MMP26: variants seen among roughly 807,000 people sequenced by gnomAD.
The protein encoded by MMP26 is matrix metallopeptidase 26.
MMP26 carries 33 observed loss-of-function variants against 31.0 expected under a neutral mutation model. That is an observed-to-expected ratio of 1.06 (90% CI 0.81 to 1.42). The LOEUF is 1.42. MMP26 is among the 40% of genes most tolerant of loss of function. The probability of loss-of-function intolerance (pLI) is 0.00; values close to 1 mark genes in which losing one functional copy is unlikely to be tolerated. For synonymous variants in MMP26, 122 were observed against 114.9 expected (o/e 1.06, Z -0.40); for missense variants, 347 against 316.1 (o/e 1.10, Z -0.74).
intron 2 of MMP26, chr11:4,946,247 G>A (rs780930437): frequency 1.2e-6 from 2 of 1,613,856 alleles, no homozygotes; most frequent in East Asian, 2.2e-5. Flanking sequence ...CGTCAGTGGA[G>A]GTACAAGTAG....
At chr11:4,728,311 C>T (rs1264864630) in intron 1 of MMP26, among the ~76,000 whole-genome samples, 6 of 152,246 alleles carry the variant, frequency 3.9e-5, no homozygotes. Context: ...ATTTCCATAG[C>T]TTTCCAGAGT....
chr11:4,856,816 T>G (rs954047077), intron 2 of MMP26, among the ~76,000 whole-genome samples: 3 of 152,152 alleles, frequency 2.0e-5, no homozygotes, highest in Non-Finnish European at 2.9e-5. Flanking sequence ...GACCACATAC[T>G]TGGAAGTAAA....
chr11:4,750,973 C>T (rs917957343), intron 1 of MMP26, among the ~76,000 whole-genome samples: 1 of 151,904 alleles, frequency 6.6e-6, no homozygotes, highest in Non-Finnish European at 1.5e-5. Context: ...CAAACGGGGA[C>T]AACTTTCTGA....
chr11:4,811,153 T>C (rs1272215467), intron 2 of MMP26, among the ~76,000 whole-genome samples: 1 of 152,218 alleles, frequency 6.6e-6, no homozygotes, highest in Non-Finnish European at 1.5e-5. Flanking sequence ...GCTGACATTG[T>C]ACATTGGAAT....
intron 1 of MMP26, chr11:4,709,573 C>T (rs545695714): frequency 2.3e-6 from 1 of 442,716 alleles, no homozygotes; most frequent in South Asian, 1.6e-5. Flanking sequence ...CTCATCATGC[C>T]ATCCTTCAAC....
At chr11:4,911,358 A>C (rs1035467731) in intron 2 of MMP26, among the ~76,000 whole-genome samples, 2 of 152,146 alleles carry the variant, frequency 1.3e-5, no homozygotes, top group Non-Finnish European at 1.5e-5. Context: ...CAAGTTGCAA[A>C]ATGTGCCAGA....
chr11:4,723,530 C>G, intron 1 of MMP26: 1 of 1,201,676 alleles, frequency 8.3e-7, no homozygotes, highest in Middle Eastern at 2.3e-4. Context: ...TTGATCTCGT[C>G]AGTCAGCCCT....
At chr11:4,859,908 A>G (rs1232401685) in intron 2 of MMP26, 1 of 471,084 alleles carries the variant, frequency 2.1e-6, no homozygotes. Flanking sequence ...TGAGTACATA[A>G]GACAGTAGAG....
chr11:4,850,678 T>C (rs1402186032), intron 2 of MMP26, among the ~76,000 whole-genome samples: 1 of 151,882 alleles, frequency 6.6e-6, no homozygotes, highest in Non-Finnish European at 1.5e-5. Context: ...TAAACATTTA[T>C]TACAAAAATT....
At chr11:4,911,620 C>T (rs1420076182) in intron 2 of MMP26, among the ~76,000 whole-genome samples, 1 of 152,062 alleles carries the variant, frequency 6.6e-6, no homozygotes, top group Non-Finnish European at 1.5e-5. Context: ...TATACTTGTT[C>T]TGCCATTCTG....
rs1436882398 is a variant in MMP26 at position 4,934,179 on chromosome 11, C to T, written c.-144-53889C>T. Among the ~76,000 whole-genome samples the T allele has an allele frequency of 4.2e-5, 6 of 143,448 alleles. No homozygotes were observed. In the East Asian group the frequency reaches 6.2e-4, roughly 15 times the overall value. The allele number at this position is 143,448 out of a possible 152,430, so 94.1% of individuals were successfully genotyped here. A position where few individuals can be genotyped will look rare whatever the true frequency, so the allele number is the denominator to read the frequency against. On this transcript the variant is annotated intron_variant, in intron 2 of 7. Coordinates refer to ENST00000380390, the MANE Select transcript of MMP26 (RefSeq NM_021801.5). ...CTTCCACAATGGTTGAACTAGTTTACAGTCCCACCAACAGTGTAAAAGTGT... is the reference window on the plus strand; with the variant it reads ...CTTCCACAATGGTTGAACTAGTTTATAGTCCCACCAACAGTGTAAAAGTGT...
chr11:4,976,982 T>C (rs1846746511), intron 2 of MMP26, among the ~76,000 whole-genome samples: 1 of 152,066 alleles, frequency 6.6e-6, no homozygotes, highest in African/African-American at 2.4e-5. Context: ...AAAATGAAAG[T>C]CGTTATTCTG....
At chr11:4,989,907 G>A (rs1194341311) in intron 4 of MMP26, 39 bp downstream of exon 4, 12 of 1,539,498 alleles carry the variant, frequency 7.8e-6, no homozygotes, top group Non-Finnish European at 9.7e-6. Context: ...TGTGTGGGGT[G>A]ATGACCTCAA....
intron 2 of MMP26, among the ~76,000 whole-genome samples, chr11:4,898,337 ATT>A (rs1407753701): frequency 6.6e-6 from 1 of 150,808 alleles, no homozygotes; most frequent in East Asian, 1.9e-4. Context: ...TTATTTTATT[ATT>A]TCTCTCTTTT....
At chr11:4,794,019 C>A (rs1449053327) in intron 2 of MMP26, 1 of 152,134 alleles carries the variant, frequency 6.6e-6, no homozygotes, top group Non-Finnish European at 1.5e-5. Context: ...AGATTCTCTG[C>A]AGGTAGCTAC....
intron 2 of MMP26, among the ~76,000 whole-genome samples, chr11:4,867,098 T>G (rs1199538663): frequency 6.6e-6 from 1 of 151,882 alleles, no homozygotes; most frequent in Non-Finnish European, 1.5e-5. Context: ...ATAATTAAAC[T>G]AAAGAGCTTC....
intron 2 of MMP26, among the ~76,000 whole-genome samples, chr11:4,909,874 C>G (rs1408157734): frequency 2.0e-5 from 3 of 152,110 alleles, no homozygotes; most frequent in South Asian, 2.1e-4. Context: ...CTACTGCATT[C>G]TTTGTCAACA....
chr11:4,792,035 ATTAATTAATATATG>A (rs1265517716), intron 2 of MMP26, among the ~76,000 whole-genome samples: 1 of 152,078 alleles, frequency 6.6e-6, no homozygotes, highest in Non-Finnish European at 1.5e-5. Context: ...CCATGCTCAA[ATTAATTAATATATG>A]CTTCATATTC....
At chr11:4,946,754 A>T (rs1486201457) in intron 2 of MMP26, 1 of 1,588,396 alleles carries the variant, frequency 6.3e-7, no homozygotes, top group Admixed American at 1.7e-5. Flanking sequence ...GATCAGGAGG[A>T]CTGAGGACTC....
Sources: allele counts gnomAD v4.1 joint callset (sites outside exome capture counted in the v4.1 genomes callset), GRCh38; gene constraint gnomAD v4.1.1; transcripts MANE v1.5; gene names NCBI Gene and HGNC (gene_info 2026-07-23, HGNC 2026-07-21).